Variants in POU6F2 observed in about 807,000 individuals in gnomAD.
POU6F2 encodes POU class 6 homeobox 2.
Under a neutral mutation model 71.3 loss-of-function variants are expected in POU6F2, and 31 were observed. The ratio of observed to expected loss-of-function variants is 0.43; its 90% CI spans 0.33 to 0.59. The LOEUF (loss-of-function observed/expected upper bound fraction) is 0.59. Among genes scored for constraint, POU6F2 ranks in the 20% least tolerant of loss-of-function variants. The pLI, the probability that POU6F2 is intolerant of heterozygous loss-of-function variation, is 0.04. For missense variants in POU6F2, 783 were observed against 856.8 expected, an observed-to-expected ratio of 0.91 and a Z score of 1.07; for synonymous variants, 347 against 355.7, an observed-to-expected ratio of 0.98 and a Z score of 0.27.
intron 4 of POU6F2, among the ~76,000 whole-genome samples, chr7:39,266,189 C>T (rs562933629): frequency 8.5e-4 from 130 of 152,192 alleles, no homozygotes; most frequent in Non-Finnish European, 3.2e-4. Context: ...TGGCAAAGAG[C>T]CACAGGAGAT....
At chr7:39,215,486 A>G (rs561547854) in intron 4 of POU6F2, among the ~76,000 whole-genome samples, 1 of 152,368 alleles carries the variant, frequency 6.6e-6, no homozygotes, top group Admixed American at 6.5e-5. Context: ...ATTATCTGAC[A>G]GTAAAAGACC....
intron 4 of POU6F2, among the ~76,000 whole-genome samples, chr7:39,241,893 C>T (rs553065345): frequency 6.6e-6 from 1 of 152,258 alleles, no homozygotes; most frequent in South Asian, 2.1e-4. Context: ...TTGTAATTAA[C>T]TCTTCCTTGA....
rs138532129 is a variant in POU6F2, at chr7:39,369,968, G to A, written c.972+29953G>A. 5.0e-4 allele frequency among the ~76,000 whole-genome samples: 76 copies of A among 151,830 alleles called. 3 individuals are homozygous for A. Among genetic ancestry groups the A allele is most frequent in the East Asian group, 4.3e-3 (22 of 5,172 alleles). Reference sequence around the variant, plus strand: ...CTCAGCATCCCAAAGTACTGCCACCGCACCCAGCCTAAAGTATTTTTATAC... The same window carrying A: ...CTCAGCATCCCAAAGTACTGCCACCACACCCAGCCTAAAGTATTTTTATAC... On this transcript the variant is annotated intron_variant, in intron 5 of 9. Transcript: ENST00000518318.
chr7:39,208,223 G>A (rs947251412), intron 4 of POU6F2, among the ~76,000 whole-genome samples: 3 of 152,158 alleles, frequency 2.0e-5, no homozygotes, highest in Non-Finnish European at 4.4e-5. Flanking sequence ...TACTTAGGAA[G>A]GGTAGTTGTC....
At chr7:39,151,805 G>A (rs1792765397) in intron 2 of POU6F2, among the ~76,000 whole-genome samples, 1 of 152,164 alleles carries the variant, frequency 6.6e-6, no homozygotes, top group Non-Finnish European at 1.5e-5. Flanking sequence ...GTAGAGGGAG[G>A]CTTTCAAATC....
At position 39,433,123 on chromosome 7, in the gene POU6F2, AAGC is replaced by A. The variant is rs776802141; in HGVS notation, c.1165_1167del (p.Ala389del). 1.2e-6 allele frequency: 2 copies of A among 1,613,580 alleles called. No individual in the cohort carries two copies. The highest frequency in any genetic ancestry group is 1.7e-6 in the Non-Finnish European group (2 of 1,179,720). On this transcript the variant is annotated inframe_deletion, in exon 7 of 10. Transcript: ENST00000518318. ...ATGCCTAATCCAGGGCCATCGAGCC[AAGC>A]AGCAAGCGGCACTCAGGGCTTGCAA...
At chr7:39,278,219 G>A (rs891795310) in intron 4 of POU6F2, among the ~76,000 whole-genome samples, 4 of 152,042 alleles carry the variant, frequency 2.6e-5, no homozygotes, top group African/African-American at 9.7e-5. Context: ...AAGGCGTTTC[G>A]GAAAAGCTCC....
chr7:39,159,490 A>G (rs1792944374), intron 2 of POU6F2, among the ~76,000 whole-genome samples: 1 of 152,192 alleles, frequency 6.6e-6, no homozygotes, highest in Admixed American at 6.5e-5. Flanking sequence ...TTTGACTACC[A>G]CATTTAATTT....
intron 2 of POU6F2, among the ~76,000 whole-genome samples, chr7:39,166,018 A>T (rs1337520681): frequency 6.6e-6 from 1 of 152,188 alleles, no homozygotes; most frequent in African/African-American, 2.4e-5. Context: ...GTTTAACATC[A>T]TCCCTGTCAT....
chr7:39,382,183 G>A (rs1786842146), intron 5 of POU6F2, among the ~76,000 whole-genome samples: 1 of 152,186 alleles, frequency 6.6e-6, no homozygotes, highest in Non-Finnish European at 1.5e-5. Context: ...AAGCATGGAA[G>A]ATTATAATTA....
intron 2 of POU6F2, among the ~76,000 whole-genome samples, chr7:39,176,686 A>G (rs550363815): frequency 1.3e-5 from 2 of 152,360 alleles, no homozygotes; most frequent in South Asian, 4.1e-4. Context: ...AGAAAGGTCA[A>G]AAAGAAAATG....
intron 4 of POU6F2, among the ~76,000 whole-genome samples, chr7:39,327,346 C>T (rs547528214): frequency 1.3e-3 from 197 of 151,648 alleles, no homozygotes; most frequent in African/African-American, 4.7e-3. Context: ...TTAACACCTT[C>T]GTATTTTTTA....
chr7:39,018,220 A>G (rs1020553146), intron 1 of POU6F2, among the ~76,000 whole-genome samples: 2 of 152,168 alleles, frequency 1.3e-5, no homozygotes, highest in African/African-American at 4.8e-5. Context: ...CAAAACTTCT[A>G]TCAGGGCCAT....
intron 4 of POU6F2, among the ~76,000 whole-genome samples, chr7:39,300,410 T>TA (rs1178590416): frequency 6.6e-6 from 1 of 152,102 alleles, no homozygotes; most frequent in African/African-American, 2.4e-5. Context: ...GGGAGGGACT[T>TA]ACAACTCTCA....
chr7:39,372,461 G>C lies in POU6F2; in HGVS notation c.972+32446G>C, dbSNP rs1401877413. 1.3e-5 allele frequency among the ~76,000 whole-genome samples: 2 copies of C among 152,168 alleles called. 1 individual carries two copies. Among genetic ancestry groups the C allele is most frequent in the East Asian group, 3.9e-4 (2 of 5,194 alleles). On this transcript the variant is annotated intron_variant, in intron 5 of 9. Coordinates refer to ENST00000518318, the MANE Select transcript of POU6F2 (RefSeq NM_001370959.1). ...GAGGCTCTCAAGTCCAAAATCTGCA[G>C]AGCTGATATACCAGATAGAGTCTGA... is the stretch of plus-strand genomic sequence containing the variant.
intron 6 of POU6F2, among the ~76,000 whole-genome samples, chr7:39,412,627 G>A (rs1787572024): frequency 6.6e-6 from 1 of 151,916 alleles, no homozygotes; most frequent in Admixed American, 6.6e-5. Flanking sequence ...CAGGAGTTTA[G>A]GGAGATTCAC....
intron 2 of POU6F2, among the ~76,000 whole-genome samples, chr7:39,197,094 A>C (rs1156760799): frequency 6.6e-6 from 1 of 152,188 alleles, no homozygotes; most frequent in Non-Finnish European, 1.5e-5. Context: ...GTCCAATGGG[A>C]CATCTGAGCG....
At chr7:39,101,415 C>T (rs1299308379) in intron 2 of POU6F2, among the ~76,000 whole-genome samples, 2 of 151,360 alleles carry the variant, frequency 1.3e-5, no homozygotes, top group South Asian at 2.1e-4. Flanking sequence ...AAAGTCAGCA[C>T]TTAAGAGAAG....
intron 4 of POU6F2, among the ~76,000 whole-genome samples, chr7:39,333,858 G>A (rs992998183): frequency 1.3e-5 from 2 of 152,312 alleles, no homozygotes; most frequent in East Asian, 3.9e-4. Flanking sequence ...TCCCTGTAGG[G>A]CTGCTAGGAG....
Sources: gnomAD v4.1 joint callset for allele counts (sites outside exome capture counted in the v4.1 genomes callset) on GRCh38, gnomAD v4.1.1 for gene constraint, MANE v1.5 for transcripts, NCBI Gene and HGNC (gene_info 2026-07-23, HGNC 2026-07-21) for gene names.